ANKS1B: variants seen among roughly 807,000 people sequenced by gnomAD.
ANKS1B encodes ankyrin repeat and sterile alpha motif domain containing 1B, also known as ankyrin repeat and sterile alpha motif domain-containing protein 1B.
In ANKS1B, 36 loss-of-function variants were observed where a neutral mutation model predicts 148.3. The observed-to-expected ratio is 0.24, with a 90% CI of 0.19 to 0.32. The LOEUF (loss-of-function observed/expected upper bound fraction) is 0.32, where lower values mean the gene tolerates loss of function less well. Among genes scored for constraint, ANKS1B ranks in the 10% least tolerant of loss-of-function variants. The probability of loss-of-function intolerance (pLI) is 1.00; values close to 1 mark genes in which losing one functional copy is unlikely to be tolerated. For missense variants in ANKS1B, 1,157 were observed against 1,542.6 expected (o/e 0.75, Z 4.19); for synonymous variants, 542 against 560.8 (o/e 0.97, Z 0.47).
At chr12:99,510,231 A>C (rs991120448) in intron 9 of ANKS1B, among the ~76,000 whole-genome samples, 9 of 152,016 alleles carry the variant, frequency 5.9e-5, no homozygotes, top group Non-Finnish European at 1.0e-4. Context: ...CCCATAGATC[A>C]AGGATTAATT....
chr12:98,753,770 C>T (rs761327203), intron 25 of ANKS1B, among the ~76,000 whole-genome samples: 7 of 152,182 alleles, frequency 4.6e-5, no homozygotes, highest in Non-Finnish European at 7.3e-5. Flanking sequence ...TGTCCACTCA[C>T]GGTTTCTCAA....
chr12:99,027,789 A>C (rs902289316), intron 17 of ANKS1B, among the ~76,000 whole-genome samples: 14 of 152,232 alleles, frequency 9.2e-5, no homozygotes, highest in Admixed American at 6.5e-5. Flanking sequence ...CCCCATATGC[A>C]AAGCAGAAAA....
chr12:99,443,817 T>C lies in ANKS1B; in HGVS notation c.1439-8A>G, dbSNP rs374732409. On this transcript the variant is annotated splice_polypyrimidine_tract_variant and splice_region_variant and intron_variant, in intron 10 of 26. Transcript: ENST00000683438. Reference sequence around the variant, plus strand: ...CTACCTCAGAGGCATTATCTGTGAATAAAAATAGAACTGCCATGAACCTAA... The same window carrying C: ...CTACCTCAGAGGCATTATCTGTGAACAAAAATAGAACTGCCATGAACCTAA... The C allele has an allele frequency of 2.9e-5, 46 of 1,608,232 alleles. No homozygotes were observed. The highest frequency in any genetic ancestry group is 3.5e-5 in the Non-Finnish European group (41 of 1,177,224).
At chr12:98,878,827 T>C (rs1221887273) in intron 17 of ANKS1B, among the ~76,000 whole-genome samples, 7 of 152,204 alleles carry the variant, frequency 4.6e-5, no homozygotes, top group African/African-American at 1.7e-4. Context: ...GAGATAATGG[T>C]TCATATCAGG....
At chr12:99,925,379 G>A (rs2094457312) in intron 1 of ANKS1B, among the ~76,000 whole-genome samples, 1 of 152,250 alleles carries the variant, frequency 6.6e-6, no homozygotes, top group South Asian at 2.1e-4. Flanking sequence ...TGGCATACCA[G>A]AAGATAAAAG....
intron 14 of ANKS1B, chr12:99,154,919 T>A: frequency 6.5e-7 from 1 of 1,535,402 alleles, no homozygotes; most frequent in Non-Finnish European, 8.7e-7. Flanking sequence ...TAAGGCAGAT[T>A]TTTTTTGTCT....
chr12:99,485,795 C>T (rs900155208), intron 10 of ANKS1B, among the ~76,000 whole-genome samples: 4 of 152,032 alleles, frequency 2.6e-5, no homozygotes, highest in Non-Finnish European at 5.9e-5. Context: ...GGAATTCTTT[C>T]TTCTATTTGT....
At chr12:99,890,717 C>T (rs898242758) in intron 1 of ANKS1B, among the ~76,000 whole-genome samples, 1 of 151,906 alleles carries the variant, frequency 6.6e-6, no homozygotes, top group Non-Finnish European at 1.5e-5. Context: ...AAATTATTCA[C>T]ATACATTTTC....
intron 1 of ANKS1B, among the ~76,000 whole-genome samples, chr12:99,938,699 G>T (rs150150804): frequency 2.6e-5 from 4 of 152,096 alleles, no homozygotes; most frequent in Non-Finnish European, 5.9e-5. Context: ...AGATTCAAGC[G>T]GCAATTTGCC....
chr12:99,817,142 A>G (rs961187608), intron 2 of ANKS1B, among the ~76,000 whole-genome samples: 3 of 132,090 alleles, frequency 2.3e-5, no homozygotes, highest in African/African-American at 8.8e-5. Flanking sequence ...GTATTTTTGT[A>G]TTTTAATCAA....
intron 18 of ANKS1B, 91 bp downstream of exon 18, chr12:98,831,938 G>T: frequency 4.9e-6 from 6 of 1,212,768 alleles, no homozygotes; most frequent in Non-Finnish European, 7.1e-6. Context: ...TTTCAGTAGA[G>T]GCAGGGTCTC....
chr12:98,879,754 A>G (rs1222038680), intron 17 of ANKS1B, among the ~76,000 whole-genome samples: 1 of 152,230 alleles, frequency 6.6e-6, no homozygotes, highest in Non-Finnish European at 1.5e-5. Flanking sequence ...AGATAATTAT[A>G]TTTAGGCTTT....
intron 11 of ANKS1B, among the ~76,000 whole-genome samples, chr12:99,407,308 G>C (rs1186563978): frequency 6.9e-6 from 1 of 145,742 alleles, no homozygotes; most frequent in Non-Finnish European, 1.5e-5. Flanking sequence ...TGCTGAAAAA[G>C]AATTTGATAA....
At chr12:99,211,649 C>T (rs2083363189) in intron 14 of ANKS1B, among the ~76,000 whole-genome samples, 1 of 152,188 alleles carries the variant, frequency 6.6e-6, no homozygotes, top group Non-Finnish European at 1.5e-5. Context: ...CCAGTTCTGC[C>T]TACTACTTGA....
chr12:99,488,269 TA>T (rs2096519952), intron 10 of ANKS1B, among the ~76,000 whole-genome samples: 1 of 152,176 alleles, frequency 6.6e-6, no homozygotes, highest in Non-Finnish European at 1.5e-5. Flanking sequence ...GCAAGAATTT[TA>T]AAAATTGCAT....
At chr12:99,946,381 G>A (rs981667533) in intron 1 of ANKS1B, among the ~76,000 whole-genome samples, 1 of 152,086 alleles carries the variant, frequency 6.6e-6, no homozygotes, top group Non-Finnish European at 1.5e-5. Flanking sequence ...TGAGATCAGG[G>A]TGCCAGCATG....
chr12:99,149,348 C>T (rs1299130710), intron 15 of ANKS1B, among the ~76,000 whole-genome samples: 1 of 152,076 alleles, frequency 6.6e-6, no homozygotes, highest in Non-Finnish European at 1.5e-5. Flanking sequence ...TGGATGACTC[C>T]AAGAGCTCTG....
intron 17 of ANKS1B, among the ~76,000 whole-genome samples, chr12:98,905,456 G>A (rs1391542036): frequency 6.6e-6 from 1 of 152,112 alleles, no homozygotes; most frequent in Non-Finnish European, 1.5e-5. Flanking sequence ...GTAGGGCGGA[G>A]GTGCTTTCAA....
intron 12 of ANKS1B, among the ~76,000 whole-genome samples, chr12:99,380,817 A>C (rs2093615506): frequency 6.9e-6 from 1 of 144,884 alleles, no homozygotes; most frequent in African/African-American, 2.7e-5. Context: ...CATGCTCCAC[A>C]ACAAACATTT....
Sources: allele counts gnomAD v4.1 joint callset (sites outside exome capture counted in the v4.1 genomes callset), GRCh38; gene constraint gnomAD v4.1.1; transcripts MANE v1.5; gene names NCBI Gene and HGNC (gene_info 2026-07-23, HGNC 2026-07-21).